Variants in CADM2 observed in about 807,000 individuals in gnomAD.
CADM2 encodes the protein immunoglobulin superfamily member 4D.
Under a neutral mutation model 49.8 loss-of-function variants are expected in CADM2, and 12 were observed. The ratio of observed to expected loss-of-function variants is 0.24; its 90% confidence interval spans 0.15 to 0.39. The LOEUF (loss-of-function observed/expected upper bound fraction) is 0.39, where lower values mean the gene tolerates loss of function less well. CADM2 is among the 10% of genes least tolerant of loss of function. The probability of loss-of-function intolerance (pLI) is 1.00; values close to 1 mark genes in which losing one functional copy is unlikely to be tolerated. For synonymous variants in CADM2, 214 were observed against 175.4 expected (o/e 1.22, Z -1.74); for missense variants, 378 against 492.3 (o/e 0.77, Z 2.20).
At chr3:84,968,095 T>A (rs2031147604) in intron 1 of CADM2, among the ~76,000 whole-genome samples, 1 of 152,074 alleles carries the variant, frequency 6.6e-6, no homozygotes, top group Non-Finnish European at 1.5e-5. Flanking sequence ...TTATTTTGCT[T>A]CATTTATTTT....
At chr3:85,454,299 C>A (rs1448267680) in intron 1 of CADM2, among the ~76,000 whole-genome samples, 1 of 152,190 alleles carries the variant, frequency 6.6e-6, no homozygotes, top group East Asian at 1.9e-4. Context: ...ACACTGCACT[C>A]TAGCCTGGGC....
At chr3:85,101,249 G>T (rs538089595) in intron 1 of CADM2, among the ~76,000 whole-genome samples, 1 of 152,060 alleles carries the variant, frequency 6.6e-6, no homozygotes, top group Non-Finnish European at 1.5e-5. Context: ...GCAAGACTTC[G>T]TCTCAAAAAC....
chr3:84,962,299 G>A (rs73137640), intron 1 of CADM2, among the ~76,000 whole-genome samples: 13,748 of 151,474 alleles, frequency 0.091, 839 homozygotes, highest in Non-Finnish European at 0.14. Flanking sequence ...AAAGAAAGAG[G>A]AGGGGGCACA....
rs561747993 is a variant in CADM2, at chr3:85,627,101, A to AT, written c.62-99411dup. 6.2e-3 allele frequency among the ~76,000 whole-genome samples: 940 copies of AT among 151,116 alleles called. 6 individuals carry two copies. Among genetic ancestry groups the AT allele is most frequent in the Non-Finnish European group, 7.8e-3 (527 of 67,660 alleles). ...TAACAATGAAGTAAACTTTCATTAA[A>AT]TTTTTTTTTTAAAAATTCCTTCACT... On this transcript the variant is annotated intron_variant, in intron 1 of 9. Coordinates refer to ENST00000383699, the MANE Select transcript of CADM2 (RefSeq NM_001167675.2).
At chr3:85,030,593 A>AACT (rs1287801641) in intron 1 of CADM2, among the ~76,000 whole-genome samples, 1 of 152,142 alleles carries the variant, frequency 6.6e-6, no homozygotes, top group African/African-American at 2.4e-5. Context: ...TACTTAACTG[A>AACT]ACTAATAAAA....
intron 1 of CADM2, among the ~76,000 whole-genome samples, chr3:85,506,188 G>A (rs2040343795): frequency 6.6e-6 from 1 of 152,148 alleles, no homozygotes; most frequent in African/African-American, 2.4e-5. Flanking sequence ...GGAGATAAGG[G>A]CAGCATATAC....
chr3:85,472,981 A>G (rs75390068), intron 1 of CADM2, among the ~76,000 whole-genome samples: 1 of 152,066 alleles, frequency 6.6e-6, no homozygotes, highest in African/African-American at 2.4e-5. Flanking sequence ...TTCTTACACA[A>G]TTATAACAAT....
At chr3:85,717,451 A>T (rs898331257) in intron 1 of CADM2, among the ~76,000 whole-genome samples, 1 of 152,094 alleles carries the variant, frequency 6.6e-6, no homozygotes, top group Non-Finnish European at 1.5e-5. Flanking sequence ...AGGTAATTTG[A>T]CTTCCTCTCT....
intron 6 of CADM2, among the ~76,000 whole-genome samples, chr3:85,919,734 T>C (rs1013789468): frequency 6.6e-6 from 1 of 151,898 alleles, no homozygotes; most frequent in East Asian, 1.9e-4. Context: ...TAAAGATAAT[T>C]ACTTTGTGCC....
chr3:86,045,364 G>C (rs1052326888), intron 8 of CADM2, among the ~76,000 whole-genome samples: 4 of 152,060 alleles, frequency 2.6e-5, no homozygotes, highest in African/African-American at 9.7e-5. Flanking sequence ...GTAATCAGAT[G>C]GGCCTATAAT....
At chr3:86,046,129 T>A (rs527245103) in intron 8 of CADM2, among the ~76,000 whole-genome samples, 2 of 152,282 alleles carry the variant, frequency 1.3e-5, no homozygotes, top group East Asian at 3.9e-4. Flanking sequence ...AAATTAAAGT[T>A]AGTAAGAAGC....
chr3:85,646,069 A>C (rs1220817343), intron 1 of CADM2, among the ~76,000 whole-genome samples: 2 of 152,020 alleles, frequency 1.3e-5, no homozygotes, highest in Non-Finnish European at 2.9e-5. Context: ...CCTGGATTCT[A>C]GTGGATCATT....
intron 1 of CADM2, among the ~76,000 whole-genome samples, chr3:85,096,009 T>A (rs192476543): frequency 1.3e-5 from 2 of 152,208 alleles, no homozygotes; most frequent in East Asian, 3.9e-4. Flanking sequence ...AACTCTATGC[T>A]GCCACTAAAA....
At chr3:85,070,846 G>C (rs1167306466) in intron 1 of CADM2, among the ~76,000 whole-genome samples, 1 of 151,870 alleles carries the variant, frequency 6.6e-6, no homozygotes, top group Admixed American at 6.6e-5. Flanking sequence ...AAAAATAGCT[G>C]GGCTGGGTGG....
chr3:85,855,334 A>C (rs905261565), intron 3 of CADM2, among the ~76,000 whole-genome samples: 3 of 152,046 alleles, frequency 2.0e-5, no homozygotes, highest in Non-Finnish European at 4.4e-5. Flanking sequence ...ACTGCCCTTC[A>C]GAGGAGCCTA....
At position 85,531,959 on chromosome 3, in the gene CADM2, C is replaced by G. The variant is rs151187033; in HGVS notation, c.62-194563C>G. Among the ~76,000 whole-genome samples, 496 of 152,200 alleles carry G rather than the reference C, an allele frequency of 3.3e-3. 9 individuals are homozygous for G. Among genetic ancestry groups the G allele is most frequent in the African/African-American group, 0.012 (481 of 41,546 alleles). ...TTGGGAGGCCAAGGCGGGCAGTTCA[C>G]GAGGTCAGGAGATGGAGACCATCCT... On this transcript the variant is annotated intron_variant, in intron 1 of 9. Coordinates refer to ENST00000383699, the MANE Select transcript of CADM2 (RefSeq NM_001167675.2).
At chr3:85,322,411 T>C (rs1025553110) in intron 1 of CADM2, among the ~76,000 whole-genome samples, 2 of 152,156 alleles carry the variant, frequency 1.3e-5, no homozygotes, top group Non-Finnish European at 2.9e-5. Context: ...TGCAGAGGAA[T>C]GCTATTTAAT....
chr3:85,118,824 A>G (rs2038741245), intron 1 of CADM2, among the ~76,000 whole-genome samples: 1 of 152,222 alleles, frequency 6.6e-6, no homozygotes. Context: ...ATCTCCGCTC[A>G]CTGCAACCTC....
chr3:85,031,696 T>G (rs187150389), intron 1 of CADM2, among the ~76,000 whole-genome samples: 1 of 151,260 alleles, frequency 6.6e-6, no homozygotes, highest in Admixed American at 6.6e-5. Context: ...TTGTGTATTT[T>G]TTTTTAGTAG....
Sources: allele counts gnomAD v4.1 joint callset (sites outside exome capture counted in the v4.1 genomes callset), GRCh38; gene constraint gnomAD v4.1.1; transcripts MANE v1.5; gene names NCBI Gene and HGNC (gene_info 2026-07-23, HGNC 2026-07-21).